The following ABI3BP variants were observed in gnomAD, a reference collection of about 807,000 sequenced individuals.
ABI3BP encodes ABI family member 3 binding protein, also known as target of Nesh-SH3.
In ABI3BP, 216 loss-of-function variants were observed where a neutral mutation model predicts 268.6. The observed-to-expected ratio is 0.80, with a 90% CI of 0.72 to 0.90. The LOEUF is 0.90. Ranked by LOEUF, ABI3BP falls within the 40% of genes least tolerant of loss-of-function variation. The probability of loss-of-function intolerance (pLI) is 0.00; values close to 1 mark genes in which losing one functional copy is unlikely to be tolerated. For synonymous variants in ABI3BP, 730 were observed against 730.0 expected (o/e 1.00, Z 0.00); for missense variants, 2,090 against 2,182.4 (o/e 0.96, Z 0.84).
intron 2 of ABI3BP, among the ~76,000 whole-genome samples, chr3:100,917,157 AC>A (rs2058852144): frequency 6.6e-6 from 1 of 152,080 alleles, no homozygotes; most frequent in East Asian, 1.9e-4. Flanking sequence ...GAATATATTG[AC>A]CCTGATTGTG....
At chr3:100,816,817 A>C (rs2098065572) in intron 42 of ABI3BP, 49 bp from the exon 43 acceptor site, 2 of 1,417,594 alleles carry the variant, frequency 1.4e-6, no homozygotes, top group South Asian at 2.5e-5. Context: ...CTTTGGAGAC[A>C]AAACTTTAGG....
At chr3:100,838,548 C>T in intron 24 of ABI3BP, 84 bp from the exon 25 acceptor site, 1 of 1,148,982 alleles carries the variant, frequency 8.7e-7, no homozygotes, top group South Asian at 1.3e-5. Context: ...AACAAAGACA[C>T]TATATAAATT....
At chr3:100,978,661 A>AT (rs887541099) in intron 1 of ABI3BP, among the ~76,000 whole-genome samples, 2 of 152,136 alleles carry the variant, frequency 1.3e-5, no homozygotes, top group Admixed American at 6.6e-5. Flanking sequence ...TATCAGCTAA[A>AT]TTTTTTTCTA....
chr3:100,915,186 C>T (rs542312819), intron 2 of ABI3BP, among the ~76,000 whole-genome samples: 84 of 152,248 alleles, frequency 5.5e-4, no homozygotes, highest in South Asian at 1.0e-3. Flanking sequence ...GCAGCAGTTC[C>T]AGGATCAAGA....
chr3:100,779,499 A>G (rs901629807), intron 58 of ABI3BP, among the ~76,000 whole-genome samples: 4 of 152,234 alleles, frequency 2.6e-5, no homozygotes, highest in Admixed American at 6.5e-5. Flanking sequence ...CTTGTGCTAT[A>G]GTTAAACAAT....
intron 61 of ABI3BP, among the ~76,000 whole-genome samples, chr3:100,773,779 T>C (rs1162755761): frequency 6.6e-6 from 1 of 152,244 alleles, no homozygotes; most frequent in Non-Finnish European, 1.5e-5. Context: ...ACTACTGATA[T>C]ACATGCAGCA....
chr3:100,930,783 C>T (rs2063350738), intron 1 of ABI3BP: 1 of 152,018 alleles, frequency 6.6e-6, no homozygotes, highest in Non-Finnish European at 1.5e-5. Context: ...TGGTACCAAT[C>T]CTACTGAAAT....
At chr3:100,811,889 A>G in intron 46 of ABI3BP, 90 bp from the exon 47 acceptor site, 2 of 909,920 alleles carry the variant, frequency 2.2e-6, no homozygotes, top group Non-Finnish European at 3.4e-6. Flanking sequence ...AATAGAATTG[A>G]GCTATCTTAA....
chr3:100,766,025 T>TAAA lies in ABI3BP; in HGVS notation c.4742-79_4742-77dup, dbSNP rs969652479. 1.5e-4 allele frequency: 157 copies of TAAA among 1,080,330 alleles called. No individual in the cohort carries two copies. The African/African-American group carries it at 2.1e-3, about 14-fold the overall frequency. 66.9% of individuals were successfully genotyped at this position (1,080,330 alleles called of 1,614,324 possible). ...TTAATTGCTCCTGAAGCTAATAGCATAAAAAAGCCACTTACATAAAGTAAG... is the reference window on the plus strand; with the variant it reads ...TTAATTGCTCCTGAAGCTAATAGCATAAAAAAAAAGCCACTTACATAAAGTAAG... On this transcript the variant is annotated intron_variant, in intron 62 of 67. Coordinates refer to ENST00000471714, the MANE Select transcript of ABI3BP (RefSeq NM_001375547.2).
At chr3:100,905,648 T>G (rs2053053304) in intron 2 of ABI3BP, among the ~76,000 whole-genome samples, 1 of 152,146 alleles carries the variant, frequency 6.6e-6, no homozygotes, top group South Asian at 2.1e-4. Flanking sequence ...TTGTGCAGCA[T>G]TTCCACTATT....
At position 100,846,358 on chromosome 3, in the gene ABI3BP, T is replaced by C. The variant is rs754122708; in HGVS notation, c.1723+14A>G. On this transcript the variant is annotated intron_variant, in intron 20 of 67. Coordinates refer to ENST00000471714, the MANE Select transcript of ABI3BP (RefSeq NM_001375547.2). ...CCCACTTTTGGAATATTCAAAAAAGTTTAGGGTAATTACCAGGTTTGGTGT... is the reference window on the plus strand; with the variant it reads ...CCCACTTTTGGAATATTCAAAAAAGCTTAGGGTAATTACCAGGTTTGGTGT... 3.5e-5 allele frequency: 55 copies of C among 1,558,288 alleles called. No homozygotes were observed. Among genetic ancestry groups the C allele is most frequent in the Non-Finnish European group, 4.6e-5 (53 of 1,149,408 alleles).
chr3:100,846,483 A>G, intron 19 of ABI3BP, 37 bp from the exon 20 acceptor site: 1 of 1,462,468 alleles, frequency 6.8e-7, no homozygotes, highest in Non-Finnish European at 9.4e-7. Context: ...AAACAAATCA[A>G]TATTTAGGCA....
At chr3:100,835,718 A>G in intron 27 of ABI3BP, 58 bp from the exon 28 acceptor site, 2 of 1,307,222 alleles carry the variant, frequency 1.5e-6, no homozygotes, top group Non-Finnish European at 2.1e-6. Flanking sequence ...AAACAAAGTT[A>G]TTTTGAAAAT....
intron 58 of ABI3BP, 71 bp from the exon 59 acceptor site, chr3:100,778,447 G>C: frequency 7.9e-6 from 11 of 1,385,492 alleles, no homozygotes; most frequent in Non-Finnish European, 9.9e-6. Context: ...AAAAAACAGG[G>C]TTTTTAAAAA....
chr3:100,856,171 A>C (rs2098937552), intron 14 of ABI3BP, among the ~76,000 whole-genome samples: 1 of 152,152 alleles, frequency 6.6e-6, no homozygotes, highest in Non-Finnish European at 1.5e-5. Context: ...ACAGATAATA[A>C]ATGAGCATGT....
chr3:100,789,679 TAAAAC>T (rs1294430182), intron 55 of ABI3BP, among the ~76,000 whole-genome samples, 163 bp from the exon 56 acceptor site: 1 of 151,872 alleles, frequency 6.6e-6, no homozygotes, highest in Non-Finnish European at 1.5e-5. Context: ...TAAAGGAAAA[TAAAAC>T]AAAGAAAATA....
chr3:100,817,576 T>A, intron 41 of ABI3BP, 81 bp from the exon 42 acceptor site: 1 of 1,098,114 alleles, frequency 9.1e-7, no homozygotes, highest in Non-Finnish European at 1.3e-6. Context: ...CTTCAGAACT[T>A]AAAAGTAAGG....
In ABI3BP at chr3:100,788,823, CAAAGAA is replaced by C. The variant is rs375383903; in HGVS notation, c.4087+625_4087+630del. On this transcript the variant is annotated intron_variant, in intron 56 of 67. Coordinates refer to ENST00000471714, the MANE Select transcript of ABI3BP (RefSeq NM_001375547.2). ...GGAACTTTAAGAGTCCTTAGAATCA[CAAAGAA>C]AAAGAAAATGAAACACCAGTGTGTG... Among the ~76,000 whole-genome samples the C allele has an allele frequency of 5.1e-3, 775 of 151,924 alleles. 7 individuals are homozygous for C. The highest frequency in any genetic ancestry group is 0.018 in the African/African-American group (747 of 41,444).
intron 61 of ABI3BP, among the ~76,000 whole-genome samples, chr3:100,771,764 G>A (rs906063090): frequency 2.6e-5 from 4 of 152,082 alleles, no homozygotes; most frequent in African/African-American, 9.7e-5. Context: ...TGAGCTGTGT[G>A]GACCATTTCT....
Sources: gnomAD v4.1 joint callset for allele counts (sites outside exome capture counted in the v4.1 genomes callset) on GRCh38, gnomAD v4.1.1 for gene constraint, MANE v1.5 for transcripts, NCBI Gene and HGNC (gene_info 2026-07-23, HGNC 2026-07-21) for gene names.